Variants in AGAP1 observed in about 807,000 individuals in gnomAD.
The protein encoded by AGAP1 is ArfGAP with GTPase domain, ankyrin repeat and PH domain 1.
Under a neutral mutation model 105.3 loss-of-function variants are expected in AGAP1, and 29 were observed. The ratio of observed to expected loss-of-function variants is 0.28; its 90% confidence interval spans 0.21 to 0.38. The LOEUF is 0.38. AGAP1 is among the 10% of genes least tolerant of loss of function. The probability of loss-of-function intolerance (pLI) is 1.00; values close to 1 mark genes in which losing one functional copy is unlikely to be tolerated. For synonymous variants in AGAP1, 509 were observed against 485.9 expected (o/e 1.05, Z -0.63); for missense variants, 998 against 1,165.1 (o/e 0.86, Z 2.09).
Position 235,778,321 on chromosome 2 carries a change from C to G in AGAP1, c.674-19438C>G, listed in dbSNP as rs1956036552. The stretch of plus-strand genomic sequence containing the variant: ...TCCACTTTGGGTATCCACCCATTTC[C>G]CCCAGTTCTTTGACCAGTGCAGCCA... On this transcript the variant is annotated intron_variant, in intron 6 of 17. Transcript: ENST00000304032. 1.3e-5 allele frequency among the ~76,000 whole-genome samples: 2 copies of G among 152,232 alleles called. 1 individual carries two copies. Among genetic ancestry groups the G allele is most frequent in the Admixed American group, 1.3e-4 (2 of 15,292 alleles).
chr2:235,519,494 G>A (rs1176030784), intron 1 of AGAP1, among the ~76,000 whole-genome samples: 1 of 152,104 alleles, frequency 6.6e-6, no homozygotes, highest in Admixed American at 6.6e-5. Flanking sequence ...CACCTCTCTG[G>A]AAGAAGGTGT....
At position 235,977,090 on chromosome 2, in the gene AGAP1, C is replaced by T. The variant is rs1357466521; in HGVS notation, c.1645+8467C>T. Among the ~76,000 whole-genome samples, 1 of 152,156 alleles carries T rather than the reference C, an allele frequency of 6.6e-6. No homozygotes were observed. Among genetic ancestry groups the T allele is most frequent in the Non-Finnish European group, 1.5e-5 (1 of 68,034 alleles). On this transcript the variant is annotated intron_variant, in intron 13 of 17. Coordinates refer to ENST00000304032, the MANE Select transcript of AGAP1 (RefSeq NM_001037131.3). The surrounding 1 kb of genome is among the most constrained non-coding windows in gnomAD (Gnocchi z 5.2). ...AGCTAGACTTAGAGATTCTCTTCTG[C>T]GAGTGGGGCTCGGTTAGCACAAGCT...
intron 1 of AGAP1, among the ~76,000 whole-genome samples, chr2:235,606,452 C>A (rs2149246209): frequency 6.6e-6 from 1 of 152,334 alleles, no homozygotes; most frequent in Admixed American, 6.5e-5. Context: ...AGAACTACTT[C>A]TGTGAAAGCA....
chr2:235,525,348 A>G (rs1942789524), intron 1 of AGAP1, among the ~76,000 whole-genome samples: 1 of 151,410 alleles, frequency 6.6e-6, no homozygotes, highest in South Asian at 2.1e-4. Flanking sequence ...CATAATGTGG[A>G]GGACTGATAC....
chr2:235,904,838 C>CT lies in AGAP1; in HGVS notation c.1156-3897dup, dbSNP rs1001757209. On this transcript the variant is annotated intron_variant, in intron 10 of 17. Transcript: ENST00000304032. This position sits in a 1 kb window ranked among gnomAD's most constrained non-coding sequence, Gnocchi z 4.2. ...AACTTGAAGCCACAGATACATGTGT[C>CT]TTTATCTCCCACCTGTGTGTGAAGC... Among the ~76,000 whole-genome samples the CT allele has an allele frequency of 1.3e-5, 2 of 152,146 alleles. No homozygotes were observed. Among genetic ancestry groups the CT allele is most frequent in the African/African-American group, 4.8e-5 (2 of 41,426 alleles).
At position 235,842,574 on chromosome 2, in the gene AGAP1, C is replaced by A. The variant is rs1049904642; in HGVS notation, c.1050+35243C>A. Among the ~76,000 whole-genome samples, 2 of 152,120 alleles carry A rather than the reference C, an allele frequency of 1.3e-5. No homozygotes were observed. Among genetic ancestry groups the A allele is most frequent in the African/African-American group, 4.8e-5 (2 of 41,422 alleles). ...TTGATATGATTGGTTCTTTTGTAAT[C>A]CTATGAATTTAAACCTAATACTTTG... On this transcript the variant is annotated intron_variant, in intron 9 of 17. Transcript: ENST00000304032. This position sits in a 1 kb window ranked among gnomAD's most constrained non-coding sequence, Gnocchi z 5.3.
At chr2:235,518,943 C>T (rs768838925) in intron 1 of AGAP1, among the ~76,000 whole-genome samples, 5 of 152,160 alleles carry the variant, frequency 3.3e-5, no homozygotes, top group South Asian at 2.1e-4. Flanking sequence ...CAGGAGGCTG[C>T]GGCCAGTTGG....
intron 13 of AGAP1, among the ~76,000 whole-genome samples, chr2:236,019,454 A>AG (rs2056816334): frequency 6.6e-6 from 1 of 152,230 alleles, no homozygotes; most frequent in Admixed American, 6.5e-5. Context: ...CAGGAACCAC[A>AG]GTGACCGCAT....
In AGAP1 at chr2:235,633,208, C is replaced by T. The variant is rs988765055; in HGVS notation, c.164-75971C>T. ...TGGTTTTACGGCATGCGGGAGCCTA[C>T]GGAATGAAGACCCGAAGATTCAGGG... On this transcript the variant is annotated intron_variant, in intron 1 of 17. Transcript: ENST00000304032. This position sits in a 1 kb window ranked among gnomAD's most constrained non-coding sequence, Gnocchi z 4.8. 1.8e-4 allele frequency among the ~76,000 whole-genome samples: 28 copies of T among 152,112 alleles called. 1 individual carries two copies. The highest frequency in any genetic ancestry group is 6.5e-4 in the African/African-American group (27 of 41,406).
chr2:235,494,171 G>C lies in AGAP1; in HGVS notation c.-516G>C, dbSNP rs1394816833. The C allele has an allele frequency of 6.9e-6, 1 of 144,214 alleles. No individual in the cohort carries two copies. Among genetic ancestry groups the C allele is most frequent in the Non-Finnish European group, 1.5e-5 (1 of 64,932 alleles). 8.9% of individuals were successfully genotyped at this position (144,214 alleles called of 1,614,324 possible). On this transcript the variant is annotated 5_prime_UTR_variant, in exon 1 of 18. Transcript: ENST00000304032. ...CGGGCGGCGCACGGCGGGCTCGCGC[G>C]GGGGCCCCGGCGCGCCGGGCGGCGC...
intron 1 of AGAP1, among the ~76,000 whole-genome samples, chr2:235,685,341 T>C (rs2149414315): frequency 6.6e-6 from 1 of 151,920 alleles, no homozygotes; most frequent in East Asian, 2.0e-4. Context: ...CAGGGCTCAG[T>C]TCTCATCTCT....
rs1314033775 is a variant in AGAP1 at position 235,976,256 on chromosome 2, T to C, written c.1645+7633T>C. On this transcript the variant is annotated intron_variant, in intron 13 of 17. Coordinates refer to ENST00000304032, the MANE Select transcript of AGAP1 (RefSeq NM_001037131.3). The surrounding 1 kb of genome is among the most constrained non-coding windows in gnomAD (Gnocchi z 4.5). Reference sequence around the variant, plus strand: ...TTTGCTCTCAGGTTGTAACTCCAGCTTCCAAGAGAATGAACTTGCTGAAAT... The same window carrying C: ...TTTGCTCTCAGGTTGTAACTCCAGCCTCCAAGAGAATGAACTTGCTGAAAT... 6.6e-6 allele frequency among the ~76,000 whole-genome samples: 1 copy of C among 152,154 alleles called. No homozygotes were observed. Among genetic ancestry groups the C allele is most frequent in the African/African-American group, 2.4e-5 (1 of 41,426 alleles).
At chr2:235,778,482 C>G (rs373527454) in intron 6 of AGAP1, among the ~76,000 whole-genome samples, 2 of 152,174 alleles carry the variant, frequency 1.3e-5, no homozygotes, top group African/African-American at 4.8e-5. Context: ...GCTTCCTGCT[C>G]CGTGCTCTTC....
At position 235,973,179 on chromosome 2, in the gene AGAP1, C is replaced by G. The variant is rs771660648; in HGVS notation, c.1645+4556C>G. ...GCCGTTCCTGCCCTGGAGTTTCTCC[C>G]TGCGCAGGTGCTCGCTGTGCTCTTT... On this transcript the variant is annotated intron_variant, in intron 13 of 17. Transcript: ENST00000304032. This position sits in a 1 kb window ranked among gnomAD's most constrained non-coding sequence, Gnocchi z 4.7. Among the ~76,000 whole-genome samples, 4 of 152,178 alleles carry G rather than the reference C, an allele frequency of 2.6e-5. No homozygotes were observed. The highest frequency in any genetic ancestry group is 6.5e-5 in the Admixed American group (1 of 15,282).
At chr2:235,518,407 A>T (rs1362497685) in intron 1 of AGAP1, among the ~76,000 whole-genome samples, 1 of 152,334 alleles carries the variant, frequency 6.6e-6, no homozygotes, top group South Asian at 2.1e-4. Flanking sequence ...TTGGCAATCA[A>T]CCAAATTCCT....
chr2:235,563,512 A>G (rs374627273), intron 1 of AGAP1, among the ~76,000 whole-genome samples: 1 of 148,706 alleles, frequency 6.7e-6, no homozygotes, highest in African/African-American at 2.5e-5. Flanking sequence ...CAGGGTCCTC[A>G]GCACACACTG....
In AGAP1 at chr2:235,719,448, A is replaced by G. The variant is rs1027940080; in HGVS notation, c.310+1804A>G. Among the ~76,000 whole-genome samples, 5 of 152,102 alleles carry G rather than the reference A, an allele frequency of 3.3e-5. No individual in the cohort carries two copies. Among genetic ancestry groups the G allele is most frequent in the African/African-American group, 1.2e-4 (5 of 41,400 alleles). ...CTTACATGTTGACTCACACCAAAGC[A>G]TTTCTCTTGAACGTTTATACATCAA... On this transcript the variant is annotated intron_variant, in intron 3 of 17. Transcript: ENST00000304032. The surrounding 1 kb of genome is among the most constrained non-coding windows in gnomAD (Gnocchi z 4.9).
chr2:235,679,091 C>T (rs1487807609), intron 1 of AGAP1, among the ~76,000 whole-genome samples: 1 of 152,204 alleles, frequency 6.6e-6, no homozygotes, highest in East Asian at 1.9e-4. Context: ...GTTGTTGGAA[C>T]ACATTTAAAT....
intron 7 of AGAP1, among the ~76,000 whole-genome samples, chr2:235,798,475 CT>C (rs1428476922): frequency 6.6e-6 from 1 of 152,104 alleles, no homozygotes; most frequent in African/African-American, 2.4e-5. Context: ...TCTATTGGCA[CT>C]GTTTTTTTAA....
Sources: allele counts gnomAD v4.1 joint callset (sites outside exome capture counted in the v4.1 genomes callset), GRCh38; gene constraint gnomAD v4.1.1; non-coding constraint Gnocchi (gnomAD v3.1); transcripts MANE v1.5; gene names NCBI Gene and HGNC (gene_info 2026-07-23, HGNC 2026-07-21).